Variants in CD59 observed in about 807,000 individuals in gnomAD.
CD59 encodes the protein CD59 molecule (CD59 blood group), also known as CD59 glycoprotein.
In CD59, 3 loss-of-function variants were observed where a neutral mutation model predicts 7.0. The ratio of observed to expected loss-of-function variants is 0.43; its 90% CI spans 0.19 to 1.10. CD59 has a LOEUF of 1.10. Ranked by LOEUF, CD59 falls within the 50% of genes least tolerant of loss-of-function variation. The pLI is 0.29. For missense variants in CD59, 143 were observed against 151.0 expected, an observed-to-expected ratio of 0.95 and a Z score of 0.28; for synonymous variants, 60 against 62.0, an observed-to-expected ratio of 0.97 and a Z score of 0.15.
chr11:33,720,266 C>T (rs1174892434), intron 2 of CD59, among the ~76,000 whole-genome samples: 2 of 152,238 alleles, frequency 1.3e-5, no homozygotes, highest in Admixed American at 6.5e-5. Flanking sequence ...CAAAGCCACA[C>T]AGCTACTAAG....
Position 33,703,487 on chromosome 11 carries a change from C to T in CD59, c.*6639G>A, listed in dbSNP as rs1295127477. On this transcript the variant is annotated 3_prime_UTR_variant, in exon 4 of 4. Coordinates refer to ENST00000642928, the MANE Select transcript of CD59 (RefSeq NM_000611.6). ...ACTCAAATGCCCCATTAAGTACCATCCTGTTGGAGCTTCCTAACGCCCCTG... is the reference window on the plus strand; with the variant it reads ...ACTCAAATGCCCCATTAAGTACCATTCTGTTGGAGCTTCCTAACGCCCCTG... 1 of 152,246 alleles carries T rather than the reference C, an allele frequency of 6.6e-6. No individual in the cohort carries two copies. Among genetic ancestry groups the T allele is most frequent in the South Asian group, 2.1e-4 (1 of 4,834 alleles). 9.4% of individuals were successfully genotyped at this position (152,246 alleles called of 1,614,324 possible).
chr11:33,710,404 G>T, intron 3 of CD59, 61 bp from the exon 4 acceptor site: 1 of 1,284,514 alleles, frequency 7.8e-7, no homozygotes, highest in Non-Finnish European at 1.1e-6. Context: ...ATCTGCTTTT[G>T]AATCCTCAAT....
intron 1 of CD59, among the ~76,000 whole-genome samples, chr11:33,735,031 G>A (rs1475197127): frequency 6.6e-6 from 1 of 152,180 alleles, no homozygotes; most frequent in African/African-American, 2.4e-5. Flanking sequence ...AAAATACAGA[G>A]GCCACAAGTT....
At chr11:33,717,094 T>C (rs1284995350) in intron 3 of CD59, among the ~76,000 whole-genome samples, 2 of 152,234 alleles carry the variant, frequency 1.3e-5, no homozygotes, top group East Asian at 3.8e-4. Flanking sequence ...TGGACTTCCA[T>C]GTTCAATTCC....
intron 1 of CD59, among the ~76,000 whole-genome samples, chr11:33,723,714 C>T (rs780758939): frequency 3.3e-5 from 5 of 152,178 alleles, no homozygotes; most frequent in African/African-American, 7.2e-5. Context: ...CCAGCACATG[C>T]CAGCGGCTTG....
intron 1 of CD59, among the ~76,000 whole-genome samples, chr11:33,731,156 G>C (rs543289520): frequency 2.0e-5 from 3 of 152,098 alleles, no homozygotes; most frequent in Non-Finnish European, 4.4e-5. Flanking sequence ...TTTTGGGGGA[G>C]TCAAAAGTTA....
At chr11:33,732,334 T>C (rs576620823) in intron 1 of CD59, among the ~76,000 whole-genome samples, 1 of 152,302 alleles carries the variant, frequency 6.6e-6, no homozygotes, top group African/African-American at 2.4e-5. Flanking sequence ...TGCTGTCTTG[T>C]GGCAGAGCTT....
chr11:33,727,518 T>A (rs1208668802), intron 1 of CD59, among the ~76,000 whole-genome samples: 1 of 152,216 alleles, frequency 6.6e-6, no homozygotes, highest in African/African-American at 2.4e-5. Flanking sequence ...TGATGGAATG[T>A]ATCTCAAAAT....
In CD59 at chr11:33,724,159, G is replaced by A. The variant is rs1194707486; in HGVS notation, c.-18-1696C>T. ...TAGCTACAATGTCAGGCATCCCCACGGAAGGAGGAAGGAAGGAATCTCCTG... is the reference window on the plus strand; with the variant it reads ...TAGCTACAATGTCAGGCATCCCCACAGAAGGAGGAAGGAAGGAATCTCCTG... On this transcript the variant is annotated intron_variant, in intron 1 of 3. Coordinates refer to ENST00000642928, the MANE Select transcript of CD59 (RefSeq NM_000611.6). Among the ~76,000 whole-genome samples the A allele has an allele frequency of 3.3e-5, 5 of 152,182 alleles. No individual in the cohort carries two copies. In the South Asian group the frequency reaches 6.2e-4, roughly 19 times the overall value.
At chr11:33,718,202 G>A (rs1853887211) in intron 2 of CD59, 1 of 153,454 alleles carries the variant, frequency 6.5e-6, no homozygotes, top group Admixed American at 6.5e-5. Context: ...TACTATCTGG[G>A]CCAGGCGCAG....
intron 1 of CD59, among the ~76,000 whole-genome samples, chr11:33,728,035 G>A (rs1044631448): frequency 3.9e-5 from 6 of 152,152 alleles, no homozygotes; most frequent in South Asian, 2.1e-4. Context: ...ATAAACAAAT[G>A]GAAGAAAATT....
At chr11:33,721,498 C>T (rs1036177854) in intron 2 of CD59, among the ~76,000 whole-genome samples, 1 of 152,108 alleles carries the variant, frequency 6.6e-6, no homozygotes, top group African/African-American at 2.4e-5. Flanking sequence ...CTTTTCTGCT[C>T]CCCCCACCAA....
chr11:33,710,888 T>C (rs1296872951), intron 3 of CD59, among the ~76,000 whole-genome samples: 2 of 151,622 alleles, frequency 1.3e-5, no homozygotes, highest in Non-Finnish European at 2.9e-5. Context: ...TGCTCAAGAA[T>C]GGTCAGAAAA....
chr11:33,733,182 C>A (rs4465344), intron 1 of CD59, among the ~76,000 whole-genome samples: 2 of 152,332 alleles, frequency 1.3e-5, no homozygotes, highest in South Asian at 4.1e-4. Flanking sequence ...CCCCTAGAGC[C>A]TCCAGAGCAG....
chr11:33,704,530 A>G lies in CD59; in HGVS notation c.*5596T>C, dbSNP rs1853231434. The G allele has an allele frequency of 6.6e-6, 1 of 152,186 alleles. No homozygotes were observed. Among genetic ancestry groups the G allele is most frequent in the African/African-American group, 2.4e-5 (1 of 41,432 alleles). The allele number at this position is 152,186 out of a possible 1,614,324, so 9.4% of individuals were successfully genotyped here. On this transcript the variant is annotated 3_prime_UTR_variant, in exon 4 of 4. Transcript: ENST00000642928. ...GCTGCTTCTACGACCTGCTGAGGAC[A>G]TAATGATAAACACACACAAGAGGCT...
chr11:33,731,106 G>A (rs113882356), intron 1 of CD59, among the ~76,000 whole-genome samples: 17 of 152,086 alleles, frequency 1.1e-4, no homozygotes, highest in African/African-American at 2.2e-4. Flanking sequence ...TTATGTTATC[G>A]GTAAAGTTTC....
intron 1 of CD59, among the ~76,000 whole-genome samples, chr11:33,724,323 T>C (rs1297428266): frequency 6.6e-6 from 1 of 152,152 alleles, no homozygotes; most frequent in African/African-American, 2.4e-5. Context: ...TTGAAGTACC[T>C]TAGAAAGAAG....
intron 1 of CD59, among the ~76,000 whole-genome samples, chr11:33,732,710 C>T (rs576483742): frequency 2.0e-5 from 3 of 152,046 alleles, no homozygotes; most frequent in Non-Finnish European, 2.9e-5. Context: ...GAACCTTTGC[C>T]TCCAATTACA....
chr11:33,721,574 C>A (rs895912577), intron 2 of CD59, among the ~76,000 whole-genome samples: 8 of 152,228 alleles, frequency 5.3e-5, no homozygotes, highest in African/African-American at 1.9e-4. Context: ...CACAGGCAGA[C>A]AACCACACTT....
Sources: gnomAD v4.1 joint callset for allele counts (sites outside exome capture counted in the v4.1 genomes callset) on GRCh38, gnomAD v4.1.1 for gene constraint, MANE v1.5 for transcripts, NCBI Gene and HGNC (gene_info 2026-07-23, HGNC 2026-07-21) for gene names.